Variants in GRIN2B observed in about 807,000 individuals in gnomAD.
The protein encoded by GRIN2B is glutamate receptor ionotropic, NMDA 2B.
Under a neutral mutation model 114.5 loss-of-function variants are expected in GRIN2B, and 5 were observed. The ratio of observed to expected loss-of-function variants is 0.04; its 90% CI spans 0.02 to 0.09. GRIN2B has a LOEUF of 0.09. Among genes scored for constraint, GRIN2B ranks in the 10% least tolerant of loss-of-function variants. The pLI, the probability that GRIN2B is intolerant of heterozygous loss-of-function variation, is 1.00. For missense variants in GRIN2B, 1,108 were observed against 1,943.5 expected (o/e 0.57, Z 8.08); for synonymous variants, 787 against 745.1 (o/e 1.06, Z -0.92).
At position 13,617,430 on chromosome 12, in the gene GRIN2B, G is replaced by A. The variant is rs1209240941; in HGVS notation, c.1126-773C>T. ...GCACCATCCACATGGGCTCCAATGT[G>A]AAAGGCCAGTGTCCCTGAATCATGA... On this transcript the variant is annotated intron_variant, in intron 5 of 13. Transcript: ENST00000609686. 2.6e-5 allele frequency among the ~76,000 whole-genome samples: 4 copies of A among 152,324 alleles called. No homozygotes were observed. The East Asian group carries it at 7.7e-4, about 29-fold the overall frequency.
chr12:13,746,005 T>C (rs761675103), intron 4 of GRIN2B, among the ~76,000 whole-genome samples: 5 of 152,162 alleles, frequency 3.3e-5, no homozygotes, highest in Non-Finnish European at 7.3e-5. Context: ...TGAGCATGAA[T>C]TCTGCTGGGA....
At chr12:13,635,009 GTTC>G (rs1487897106) in intron 5 of GRIN2B, among the ~76,000 whole-genome samples, 6 of 152,306 alleles carry the variant, frequency 3.9e-5, no homozygotes, top group South Asian at 2.1e-4. Context: ...ACCTCTTTGT[GTTC>G]TTCTTTTTAG....
At position 13,564,380 on chromosome 12, in the gene GRIN2B, G is replaced by A; in HGVS notation, c.2858C>T (p.Pro953Leu). 1 of 1,614,216 alleles carries A rather than the reference G, an allele frequency of 6.2e-7. No homozygotes were observed. The highest frequency in any genetic ancestry group is 8.5e-7 in the Non-Finnish European group (1 of 1,180,032). Residue 953 changes from proline to leucine, a missense_variant, in exon 14 of 14, where the codon CCC (proline) becomes CTC (leucine). By Grantham distance (98) the Pro-to-Leu change is moderately conservative. Around this residue, in one of 19 missense-constraint regions of GRIN2B, gnomAD observed 140 missense variants for 187.5 expected, o/e 0.75. Coordinates refer to ENST00000609686, the MANE Select transcript of GRIN2B (RefSeq NM_000834.5). The surrounding 1 kb of genome is among the most constrained non-coding windows in gnomAD (Gnocchi z 4.8). ...GTCACTGAAGAGGTTCTCCTCACAG[G>A]GCGGGTTGTTGTAGGATTTGCAGTC... ...HSDCKSYNNP[P>L]CEENLFSDYI...
At chr12:13,676,008 C>T (rs770607070) in intron 4 of GRIN2B, 149 bp from the exon 5 acceptor site, 17 of 653,452 alleles carry the variant, frequency 2.6e-5, no homozygotes, top group African/African-American at 7.2e-5. Flanking sequence ...TTCTTGAACT[C>T]GCATTTGATT....
intron 2 of GRIN2B, among the ~76,000 whole-genome samples, chr12:13,903,197 T>C (rs969631353): frequency 7.2e-5 from 11 of 152,180 alleles, no homozygotes; most frequent in Admixed American, 7.2e-4. Flanking sequence ...TTACGTTTCA[T>C]GAATACTTTG....
At chr12:13,686,841 T>A (rs976173441) in intron 4 of GRIN2B, among the ~76,000 whole-genome samples, 1 of 152,170 alleles carries the variant, frequency 6.6e-6, no homozygotes, top group Non-Finnish European at 1.5e-5. Flanking sequence ...CCAAACCTCA[T>A]GTTGAAATTT....
intron 2 of GRIN2B, among the ~76,000 whole-genome samples, chr12:13,874,617 T>C (rs1865967418): frequency 6.6e-6 from 1 of 152,220 alleles, no homozygotes; most frequent in Non-Finnish European, 1.5e-5. Context: ...CCAAACCTTT[T>C]GAAACCTGAT....
At chr12:13,704,429 C>T (rs1950340706) in intron 4 of GRIN2B, among the ~76,000 whole-genome samples, 1 of 152,184 alleles carries the variant, frequency 6.6e-6, no homozygotes, top group Admixed American at 6.5e-5. Context: ...TTTAACGACT[C>T]AAACCAAATC....
intron 3 of GRIN2B, among the ~76,000 whole-genome samples, chr12:13,809,709 T>C (rs2284419): frequency 0.31 from 47,849 of 152,070 alleles, 7,952 homozygotes; most frequent in Non-Finnish European, 0.35. Context: ...AAGGCAGGAA[T>C]AAGTTATAAC....
rs115796227 is a variant in GRIN2B, at chr12:13,915,997, T to C, written c.-18-49771A>G. The stretch of plus-strand genomic sequence containing the variant: ...ACTGTATTTGGGGAGTGTACATAAA[T>C]TGGACCTATGCTTGTAATGGTCTCT... On this transcript the variant is annotated intron_variant, in intron 2 of 13. Transcript: ENST00000609686. Among the ~76,000 whole-genome samples, 1,239 of 152,132 alleles carry C rather than the reference T, an allele frequency of 8.1e-3. 21 individuals are homozygous for C. Among genetic ancestry groups the C allele is most frequent in the African/African-American group, 0.029 (1,193 of 41,498 alleles).
At chr12:13,704,948 C>T (rs1950345956) in intron 4 of GRIN2B, among the ~76,000 whole-genome samples, 1 of 152,096 alleles carries the variant, frequency 6.6e-6, no homozygotes, top group African/African-American at 2.4e-5. Flanking sequence ...ATTAATGCCC[C>T]ATGACTGATT....
chr12:13,898,871 A>G (rs896580978), intron 2 of GRIN2B, among the ~76,000 whole-genome samples: 1 of 152,252 alleles, frequency 6.6e-6, no homozygotes, highest in African/African-American at 2.4e-5. Context: ...AGATTGTGCC[A>G]TTGCACTCCG....
At chr12:13,578,636 A>G (rs576289252) in intron 10 of GRIN2B, among the ~76,000 whole-genome samples, 114 of 152,348 alleles carry the variant, frequency 7.5e-4, no homozygotes, top group African/African-American at 2.3e-3. Flanking sequence ...AACCAGTAAA[A>G]TATAATAAAA....
chr12:13,787,162 G>T (rs957696728), intron 3 of GRIN2B, among the ~76,000 whole-genome samples: 2 of 152,112 alleles, frequency 1.3e-5, no homozygotes, highest in African/African-American at 4.8e-5. Context: ...TCTAACCTAG[G>T]CTAGGAGAAG....
At chr12:13,936,046 G>T (rs1158962126) in intron 2 of GRIN2B, among the ~76,000 whole-genome samples, 1 of 152,156 alleles carries the variant, frequency 6.6e-6, no homozygotes, top group Non-Finnish European at 1.5e-5. Flanking sequence ...CAGCTAAAAA[G>T]GCTAGAATCT....
At chr12:13,963,978 G>A (rs1377952797) in intron 2 of GRIN2B, among the ~76,000 whole-genome samples, 4 of 152,130 alleles carry the variant, frequency 2.6e-5, no homozygotes, top group African/African-American at 9.7e-5. Flanking sequence ...AACCTTACGA[G>A]AAATTTTAAG....
At chr12:13,757,774 C>T (rs1250120454) in intron 3 of GRIN2B, among the ~76,000 whole-genome samples, 1 of 152,090 alleles carries the variant, frequency 6.6e-6, no homozygotes, top group Non-Finnish European at 1.5e-5. Flanking sequence ...AGTCTAGAAC[C>T]ATAATGTGGG....
At chr12:13,666,011 A>C (rs940599627) in intron 5 of GRIN2B, among the ~76,000 whole-genome samples, 1 of 152,192 alleles carries the variant, frequency 6.6e-6, no homozygotes, top group African/African-American at 2.4e-5. Context: ...GAAGAGTCAA[A>C]GATGATGACC....
At chr12:13,896,155 A>G (rs7299951) in intron 2 of GRIN2B, among the ~76,000 whole-genome samples, 4,888 of 152,272 alleles carry the variant, frequency 0.032, 281 homozygotes, top group African/African-American at 0.11. Flanking sequence ...TAGGTTTAAC[A>G]GAAGGCTCTA....
Sources: allele counts gnomAD v4.1 joint callset (sites outside exome capture counted in the v4.1 genomes callset), GRCh38; gene constraint gnomAD v4.1.1; regional missense constraint gnomAD v4.1.1; non-coding constraint Gnocchi (gnomAD v3.1); transcripts MANE v1.5; gene names NCBI Gene and HGNC (gene_info 2026-07-23, HGNC 2026-07-21).